The following NAA25 variants were observed in gnomAD, a reference collection of about 807,000 sequenced individuals.
NAA25 encodes the protein N-terminal acetyltransferase B complex subunit NAA25.
Under a neutral mutation model 132.5 loss-of-function variants are expected in NAA25, and 30 were observed. The ratio of observed to expected loss-of-function variants is 0.23; its 90% CI spans 0.17 to 0.31. The LOEUF (loss-of-function observed/expected upper bound fraction) is 0.31. Among genes scored for constraint, NAA25 ranks in the 10% least tolerant of loss-of-function variants. NAA25 has a pLI of 1.00. For synonymous variants in NAA25, 359 were observed against 401.9 expected, an observed-to-expected ratio of 0.89 and a Z score of 1.28; for missense variants, 771 against 1,150.4, an observed-to-expected ratio of 0.67 and a Z score of 4.77.
chr12:112,087,670 G>A lies in NAA25; in HGVS notation c.402+13C>T, dbSNP rs768715000. 1 of 1,582,106 alleles carries A rather than the reference G, an allele frequency of 6.3e-7. No homozygotes were observed. On this transcript the variant is annotated intron_variant, in intron 4 of 23. Coordinates refer to ENST00000261745, the MANE Select transcript of NAA25 (RefSeq NM_024953.4). Reference sequence around the variant, plus strand: ...TAAATCCCATAGCCCAGTAGGTTTGGGGATCAAATTACCTGTTGCATTTTC... The same window carrying A: ...TAAATCCCATAGCCCAGTAGGTTTGAGGATCAAATTACCTGTTGCATTTTC...
At position 112,032,437 on chromosome 12, in the gene NAA25, G is replaced by A. The variant is rs79945097; in HGVS notation, c.2796+796C>T. 1.6e-3 allele frequency among the ~76,000 whole-genome samples: 239 copies of A among 152,320 alleles called. 5 individuals are homozygous for A. In the East Asian group the frequency reaches 0.045, roughly 29 times the overall value. ...TCTATTCATTCCCTTCCCTATGAAG[G>A]TCTGGGGCTATGATGATGGCTGCCC... On this transcript the variant is annotated intron_variant, in intron 23 of 23. Coordinates refer to ENST00000261745, the MANE Select transcript of NAA25 (RefSeq NM_024953.4).
In NAA25 at chr12:112,049,584, A is replaced by G; in HGVS notation, c.1729-1141T>C. On this transcript the variant is annotated intron_variant, in intron 15 of 23. Transcript: ENST00000261745. This position sits in a 1 kb window ranked among gnomAD's most constrained non-coding sequence, Gnocchi z 4.7. Reference sequence around the variant, plus strand: ...TGCGGCTTTTAAACCCCCATGGGACACCTCGGCGAGCTGTTTGCCTGCAGT... The same window carrying G: ...TGCGGCTTTTAAACCCCCATGGGACGCCTCGGCGAGCTGTTTGCCTGCAGT... The G allele has an allele frequency of 1.0e-6, 1 of 985,816 alleles. No homozygotes were observed. The highest frequency in any genetic ancestry group is 1.2e-6 in the Non-Finnish European group (1 of 829,946). The allele number at this position is 985,816 out of a possible 1,614,324, so 61.1% of individuals were successfully genotyped here.
At chr12:112,062,411 A>AG (rs1249633440) in intron 11 of NAA25, among the ~76,000 whole-genome samples, 1 of 151,386 alleles carries the variant, frequency 6.6e-6, no homozygotes, top group African/African-American at 2.4e-5. Flanking sequence ...AAAAAAAAAA[A>AG]AAAAAAGTTA....
chr12:112,083,058 A>T (rs1388288589), intron 4 of NAA25, among the ~76,000 whole-genome samples: 1 of 152,200 alleles, frequency 6.6e-6, no homozygotes, highest in Non-Finnish European at 1.5e-5. Context: ...TGATATTTAT[A>T]AATCTATACT....
chr12:112,092,297 G>A lies in NAA25; in HGVS notation c.144+754C>T, dbSNP rs555224071. Among the ~76,000 whole-genome samples the A allele has an allele frequency of 7.3e-5, 11 of 151,538 alleles. No individual in the cohort carries two copies. The South Asian group carries it at 2.3e-3, about 32-fold the overall frequency. ...CCACTTGTGGCATGTAAGTGACTATGGAAATAACTGACCTATAAAGTACCG... is the reference window on the plus strand; with the variant it reads ...CCACTTGTGGCATGTAAGTGACTATAGAAATAACTGACCTATAAAGTACCG... On this transcript the variant is annotated intron_variant, in intron 2 of 23. Transcript: ENST00000261745.
chr12:112,102,237 G>A (rs1415623804), intron 1 of NAA25, among the ~76,000 whole-genome samples: 11 of 152,212 alleles, frequency 7.2e-5, no homozygotes, highest in Non-Finnish European at 2.9e-5. Context: ...GCCAGGCATG[G>A]TGGCATGTGC....
rs2078107088 is a variant in NAA25 at position 112,028,251 on chromosome 12, G to A, written c.*1280C>T. ...TCAAATTCATTTCTTTGCTCTTACAGAATTAAACTTGAACTATATTTAGGT... is the reference window on the plus strand; with the variant it reads ...TCAAATTCATTTCTTTGCTCTTACAAAATTAAACTTGAACTATATTTAGGT... On this transcript the variant is annotated 3_prime_UTR_variant, in exon 24 of 24. Coordinates refer to ENST00000261745, the MANE Select transcript of NAA25 (RefSeq NM_024953.4). 6.6e-6 allele frequency: 1 copy of A among 152,340 alleles called. No individual in the cohort carries two copies. The highest frequency in any genetic ancestry group is 2.1e-4 in the South Asian group (1 of 4,828). The allele number at this position is 152,340 out of a possible 1,614,324, so 9.4% of individuals were successfully genotyped here. A position where few individuals can be genotyped will look rare whatever the true frequency, so the allele number is the denominator to read the frequency against.
intron 2 of NAA25, among the ~76,000 whole-genome samples, chr12:112,091,508 C>T (rs138747749): frequency 2.0e-5 from 3 of 152,068 alleles, no homozygotes; most frequent in African/African-American, 7.2e-5. Context: ...AGGTAGGCAA[C>T]GTGGTGAGAT....
At chr12:112,032,210 C>T (rs1034838008) in intron 23 of NAA25, among the ~76,000 whole-genome samples, 7 of 152,076 alleles carry the variant, frequency 4.6e-5, no homozygotes, top group Admixed American at 1.3e-4. Context: ...TCGTGATCTG[C>T]CTCCCTCCGC....
chr12:112,076,963 T>C (rs1404744971), intron 7 of NAA25, among the ~76,000 whole-genome samples: 2 of 152,042 alleles, frequency 1.3e-5, no homozygotes, highest in East Asian at 3.9e-4. Flanking sequence ...GCCACTGCAT[T>C]CTAGCCTGGC....
intron 4 of NAA25, among the ~76,000 whole-genome samples, chr12:112,082,724 C>A (rs571355443): frequency 2.6e-4 from 39 of 148,634 alleles, no homozygotes; most frequent in African/African-American, 9.5e-4. Flanking sequence ...TCATTAAAGC[C>A]CCTCCAAAGT....
Position 112,108,756 on chromosome 12 carries a change from A to T in NAA25, c.18T>A (p.His6Gln). 1.3e-6 allele frequency: 2 copies of T among 1,527,526 alleles called. No homozygotes were observed. Among genetic ancestry groups the T allele is most frequent in the Non-Finnish European group, 1.8e-6 (2 of 1,134,354 alleles). 94.6% of individuals were successfully genotyped at this position (1,527,526 alleles called of 1,614,324 possible). MATRG[H>Q]VQDPNDRRLR... ...GGCGCCTGTCGTTAGGGTCCTGCACATGGCCCCGCGTCGCCATGATGACAA... is the reference window on the plus strand; with the variant it reads ...GGCGCCTGTCGTTAGGGTCCTGCACTTGGCCCCGCGTCGCCATGATGACAA... The change falls in exon 1 of 24, where the codon CAT (histidine) becomes CAA (glutamine). Residue 6 changes from histidine (H) to glutamine (Q), a missense_variant. This residue lies in a region of NAA25 where 30 missense variants were observed against 16.6 expected (regional missense o/e 1.81). Transcript: ENST00000261745.
At chr12:112,062,179 T>A (rs2136862413) in intron 11 of NAA25, among the ~76,000 whole-genome samples, 1 of 152,060 alleles carries the variant, frequency 6.6e-6, no homozygotes, top group Middle Eastern at 3.4e-3. Context: ...GGCACATCAC[T>A]TCAGGCCAGG....
intron 18 of NAA25, 57 bp from the exon 19 acceptor site, chr12:112,043,268 T>C: frequency 6.6e-7 from 1 of 1,508,452 alleles, no homozygotes; most frequent in South Asian, 1.4e-5. Context: ...GCATACAAAA[T>C]AAGAAAATCA....
chr12:112,087,251 G>T (rs985620810), intron 4 of NAA25, among the ~76,000 whole-genome samples: 1 of 152,026 alleles, frequency 6.6e-6, no homozygotes, highest in African/African-American at 2.4e-5. Context: ...AGGCAACAAG[G>T]ATTTTCCCCC....
rs2136789642 is a variant in NAA25 at position 112,028,875 on chromosome 12, G to A, written c.*656C>T. The A allele has an allele frequency of 6.6e-6, 1 of 152,320 alleles. No individual in the cohort carries two copies. The highest frequency in any genetic ancestry group is 6.5e-5 in the Admixed American group (1 of 15,300). 9.4% of individuals were successfully genotyped at this position (152,320 alleles called of 1,614,324 possible). A position where few individuals can be genotyped will look rare whatever the true frequency, so the allele number is the denominator to read the frequency against. On this transcript the variant is annotated 3_prime_UTR_variant, in exon 24 of 24. Transcript: ENST00000261745. ...TTACCTGAGATTTTTAACTCTCACA[G>A]AAGCTAGGATGGGGATGTCTTAACT...
chr12:112,033,170 G>A, intron 23 of NAA25, 63 bp downstream of exon 23: 1 of 1,468,558 alleles, frequency 6.8e-7, no homozygotes, highest in South Asian at 1.5e-5. Context: ...ATAAAGATGA[G>A]AGAGAGAGAC....
chr12:112,089,008 A>T (rs908574290), intron 3 of NAA25, among the ~76,000 whole-genome samples: 4 of 152,156 alleles, frequency 2.6e-5, no homozygotes, highest in African/African-American at 9.6e-5. Flanking sequence ...GATTTTTTTT[A>T]AAACACTGGA....
intron 1 of NAA25, among the ~76,000 whole-genome samples, chr12:112,093,945 T>C (rs1593832962): frequency 6.6e-6 from 1 of 151,810 alleles, no homozygotes; most frequent in African/African-American, 2.4e-5. Flanking sequence ...TGGATCTAAT[T>C]TTAACTATAA....
Sources: allele counts gnomAD v4.1 joint callset (sites outside exome capture counted in the v4.1 genomes callset), GRCh38; gene constraint gnomAD v4.1.1; regional missense constraint gnomAD v4.1.1; non-coding constraint Gnocchi (gnomAD v3.1); transcripts MANE v1.5; gene names NCBI Gene and HGNC (gene_info 2026-07-23, HGNC 2026-07-21).